The following FAF1 variants were observed in gnomAD, a reference collection of about 807,000 sequenced individuals.
FAF1 encodes FAS-associated factor 1.
FAF1 carries 25 observed loss-of-function variants against 92.5 expected under a neutral mutation model. The observed-to-expected ratio is 0.27, with a 90% CI of 0.20 to 0.38. The LOEUF (loss-of-function observed/expected upper bound fraction) is 0.38. FAF1 is among the 10% of genes least tolerant of loss of function. FAF1 has a pLI of 1.00. For missense variants in FAF1, 636 were observed against 793.3 expected (o/e 0.80, Z 2.38); for synonymous variants, 234 against 273.2 (o/e 0.86, Z 1.42).
At chr1:50,867,757 G>C (rs975948662) in intron 1 of FAF1, among the ~76,000 whole-genome samples, 1 of 152,098 alleles carries the variant, frequency 6.6e-6, no homozygotes, top group Non-Finnish European at 1.5e-5. Flanking sequence ...ACACCACTAT[G>C]AAAAACAGCA....
In FAF1 at chr1:50,490,455, GGAAGGAAA is replaced by G. The variant is rs1437830481; in HGVS notation, c.1653+125_1653+132del. On this transcript the variant is annotated intron_variant, in intron 17 of 18. Coordinates refer to ENST00000396153, the MANE Select transcript of FAF1 (RefSeq NM_007051.3). ...AGGAAGGAAGGAAGGAAGGAAGGAA[GGAAGGAAA>G]AAGAAAGAAGGAAGGAAGGAAGGAA... 1.8e-3 allele frequency: 492 copies of G among 268,532 alleles called. 15 individuals carry two copies. The highest frequency in any genetic ancestry group is 2.4e-3 in the Non-Finnish European group (319 of 131,104). The allele number at this position is 268,532 out of a possible 1,614,324, so 16.6% of individuals were successfully genotyped here. A position where few individuals can be genotyped will look rare whatever the true frequency, so the allele number is the denominator to read the frequency against.
chr1:50,922,458 C>CAAAAAAAAAAA (rs33971185), intron 1 of FAF1, among the ~76,000 whole-genome samples: 12 of 37,256 alleles, frequency 3.2e-4, no homozygotes, highest in Admixed American at 5.0e-4. Flanking sequence ...GACTCTGCCT[C>CAAAAAAAAAAA]AAAAAAAAAA....
chr1:50,940,391 C>T (rs1645121821), intron 1 of FAF1, among the ~76,000 whole-genome samples: 2 of 152,202 alleles, frequency 1.3e-5, no homozygotes, highest in African/African-American at 4.8e-5. Context: ...CAACAAAGTT[C>T]ACATGTATCA....
chr1:50,453,365 A>T (rs1046141813), intron 18 of FAF1, among the ~76,000 whole-genome samples: 2 of 152,188 alleles, frequency 1.3e-5, no homozygotes, highest in African/African-American at 4.8e-5. Context: ...CGCAAACACC[A>T]CTCAAGAGCT....
At chr1:50,955,074 G>T (rs1044839618) in intron 1 of FAF1, among the ~76,000 whole-genome samples, 2 of 152,192 alleles carry the variant, frequency 1.3e-5, no homozygotes, top group African/African-American at 4.8e-5. Flanking sequence ...GAAATTATTT[G>T]ATAGCAATCG....
At chr1:50,790,435 C>G (rs956572179) in intron 3 of FAF1, among the ~76,000 whole-genome samples, 1 of 152,182 alleles carries the variant, frequency 6.6e-6, no homozygotes, top group African/African-American at 2.4e-5. Flanking sequence ...CCACCGCACC[C>G]GGCTTTATTT....
intron 8 of FAF1, among the ~76,000 whole-genome samples, chr1:50,602,575 T>C (rs1358844910): frequency 1.3e-5 from 2 of 150,774 alleles, no homozygotes; most frequent in Non-Finnish European, 3.0e-5. Context: ...TGATCTCAGC[T>C]CACTGCAACC....
intron 2 of FAF1, among the ~76,000 whole-genome samples, chr1:50,803,196 C>T (rs1662065038): frequency 2.0e-5 from 3 of 152,158 alleles, no homozygotes; most frequent in Admixed American, 2.0e-4. Context: ...GTTCCATGTA[C>T]ATGTATCTCC....
At chr1:50,605,134 G>T (rs1652317218) in intron 8 of FAF1, among the ~76,000 whole-genome samples, 1 of 151,678 alleles carries the variant, frequency 6.6e-6, no homozygotes, top group Non-Finnish European at 1.5e-5. Flanking sequence ...TTGTTTGTTT[G>T]TTTTTTTAAT....
intron 6 of FAF1, among the ~76,000 whole-genome samples, chr1:50,725,583 G>A (rs972559712): frequency 6.6e-6 from 1 of 152,170 alleles, no homozygotes; most frequent in African/African-American, 2.4e-5. Context: ...AGCTATACGA[G>A]TAGCTGGGAT....
chr1:50,683,492 A>G (rs1423183917), intron 7 of FAF1, among the ~76,000 whole-genome samples: 1 of 151,742 alleles, frequency 6.6e-6, no homozygotes, highest in East Asian at 1.9e-4. Context: ...GCGCCACTGC[A>G]CTCCAGCCTG....
chr1:50,786,318 G>C (rs1286215223), intron 4 of FAF1, among the ~76,000 whole-genome samples: 1 of 152,100 alleles, frequency 6.6e-6, no homozygotes, highest in African/African-American at 2.4e-5. Context: ...ACATATATAA[G>C]CATTGAGGAC....
At chr1:50,947,416 A>G (rs531055067) in intron 1 of FAF1, among the ~76,000 whole-genome samples, 3 of 152,314 alleles carry the variant, frequency 2.0e-5, no homozygotes, top group African/African-American at 7.2e-5. Flanking sequence ...TCCTATCTCT[A>G]TTATTCCCCC....
chr1:50,883,986 A>G (rs1644636064), intron 1 of FAF1, among the ~76,000 whole-genome samples: 1 of 152,020 alleles, frequency 6.6e-6, no homozygotes, highest in Non-Finnish European at 1.5e-5. Flanking sequence ...TTAGCCAGGC[A>G]TGGTGGTGCA....
At chr1:50,629,357 C>T (rs530797889) in intron 8 of FAF1, among the ~76,000 whole-genome samples, 1 of 152,158 alleles carries the variant, frequency 6.6e-6, no homozygotes, top group Non-Finnish European at 1.5e-5. Flanking sequence ...TTAATAGAGA[C>T]AGGGTTTCAT....
chr1:50,660,540 A>AGG (rs1655327512), intron 7 of FAF1, among the ~76,000 whole-genome samples: 1 of 150,480 alleles, frequency 6.6e-6, no homozygotes, highest in African/African-American at 2.5e-5. Context: ...TCTGTCGCCC[A>AGG]GGCCAGAGTG....
chr1:50,508,559 G>A (rs1027644262), intron 15 of FAF1, among the ~76,000 whole-genome samples: 5 of 152,302 alleles, frequency 3.3e-5, no homozygotes, highest in South Asian at 4.1e-4. Context: ...GAAAATGAGT[G>A]TTGTCAGGGG....
At chr1:50,864,493 T>C (rs915413492) in intron 1 of FAF1, among the ~76,000 whole-genome samples, 2 of 151,982 alleles carry the variant, frequency 1.3e-5, no homozygotes, top group East Asian at 1.9e-4. Context: ...AAAACAGAGA[T>C]ATAGATCAAT....
intron 17 of FAF1, among the ~76,000 whole-genome samples, chr1:50,485,133 T>C (rs1646749084): frequency 6.6e-6 from 1 of 151,570 alleles, no homozygotes; most frequent in African/African-American, 2.4e-5. Context: ...TTATTATTAT[T>C]TTTTTTAAAT....
Sources: gnomAD v4.1 joint callset for allele counts (sites outside exome capture counted in the v4.1 genomes callset) on GRCh38, gnomAD v4.1.1 for gene constraint, MANE v1.5 for transcripts, NCBI Gene and HGNC (gene_info 2026-07-23, HGNC 2026-07-21) for gene names.